Variants in DGKB observed in about 807,000 individuals in gnomAD.
The protein encoded by DGKB is diacylglycerol kinase beta, also known as 90 kDa diacylglycerol kinase.
In DGKB, 67 loss-of-function variants were observed where a neutral mutation model predicts 114.3. The observed-to-expected ratio is 0.59, with a 90% CI of 0.48 to 0.72. The LOEUF is 0.72. Among genes scored for constraint, DGKB ranks in the 30% least tolerant of loss-of-function variants. DGKB has a pLI of 0.00. For synonymous variants in DGKB, 398 were observed against 323.1 expected (o/e 1.23, Z -2.49); for missense variants, 907 against 975.2 (o/e 0.93, Z 0.93).
At chr7:14,726,475 G>C (rs1024074870) in intron 5 of DGKB, among the ~76,000 whole-genome samples, 8 of 152,138 alleles carry the variant, frequency 5.3e-5, no homozygotes, top group African/African-American at 1.4e-4. Flanking sequence ...TGTGAGGCTG[G>C]ACAGAGAAAA....
At chr7:14,834,609 G>C (rs1846890498) in intron 2 of DGKB, among the ~76,000 whole-genome samples, 1 of 152,090 alleles carries the variant, frequency 6.6e-6, no homozygotes, top group African/African-American at 2.4e-5. Context: ...ATCTGACTGG[G>C]ACTTCACTGT....
At chr7:14,827,801 C>T (rs1372651520) in intron 2 of DGKB, among the ~76,000 whole-genome samples, 1 of 152,058 alleles carries the variant, frequency 6.6e-6, no homozygotes, top group Non-Finnish European at 1.5e-5. Context: ...GCATAAGTAG[C>T]ATAGCTTCTG....
intron 20 of DGKB, among the ~76,000 whole-genome samples, chr7:14,508,955 T>C (rs13236153): frequency 0.43 from 64,687 of 152,044 alleles, 14,806 homozygotes; most frequent in East Asian, 0.73. Context: ...CAATGTCATA[T>C]AAATTTAGAA....
intron 4 of DGKB, among the ~76,000 whole-genome samples, chr7:14,736,841 T>G (rs1831794904): frequency 1.3e-5 from 2 of 152,186 alleles, no homozygotes; most frequent in Admixed American, 6.5e-5. Context: ...TGTGGTGGTG[T>G]TAAGGTTCTC....
At chr7:14,607,300 G>T in intron 17 of DGKB, 134 bp downstream of exon 17, 1 of 571,502 alleles carries the variant, frequency 1.7e-6, no homozygotes, top group Non-Finnish European at 3.2e-6. Context: ...TTTCTCTTAC[G>T]TAGTTGATAT....
intron 2 of DGKB, among the ~76,000 whole-genome samples, chr7:14,764,358 C>T (rs1001886115): frequency 1.3e-5 from 2 of 151,832 alleles, no homozygotes; most frequent in African/African-American, 4.8e-5. Context: ...AACATAGTAG[C>T]ATTCAGTCCA....
chr7:14,598,805 T>A (rs1370602132), intron 17 of DGKB, among the ~76,000 whole-genome samples: 1 of 152,146 alleles, frequency 6.6e-6, no homozygotes, highest in Non-Finnish European at 1.5e-5. Context: ...TCACTATACA[T>A]TCTTGGTAAA....
intron 5 of DGKB, among the ~76,000 whole-genome samples, chr7:14,723,598 C>CAT (rs1424009995): frequency 6.8e-6 from 1 of 147,724 alleles, no homozygotes; most frequent in Non-Finnish European, 1.5e-5. Flanking sequence ...TACACATACA[C>CAT]ACACATATAT....
At chr7:14,636,695 C>T (rs772460924) in intron 13 of DGKB, among the ~76,000 whole-genome samples, 21 of 151,700 alleles carry the variant, frequency 1.4e-4, no homozygotes, top group Admixed American at 3.3e-4. Context: ...ATCTACCTGG[C>T]GGGCAAAAAT....
chr7:14,374,609 T>A (rs1307871388), intron 21 of DGKB, among the ~76,000 whole-genome samples: 2 of 152,354 alleles, frequency 1.3e-5, no homozygotes, highest in South Asian at 2.1e-4. Context: ...AAATCCTACA[T>A]GATCTAAATT....
At chr7:14,416,886 G>A (rs1284944866) in intron 21 of DGKB, among the ~76,000 whole-genome samples, 16 of 151,976 alleles carry the variant, frequency 1.1e-4, no homozygotes, top group Non-Finnish European at 7.4e-5. Context: ...CAATCCATTC[G>A]AAAACTTTTT....
At chr7:14,553,233 C>T (rs1795366255) in intron 20 of DGKB, among the ~76,000 whole-genome samples, 1 of 152,164 alleles carries the variant, frequency 6.6e-6, no homozygotes, top group Admixed American at 6.5e-5. Flanking sequence ...TTGTCACTTT[C>T]CTTTATAGTA....
chr7:14,244,568 G>A (rs558416197), intron 23 of DGKB, among the ~76,000 whole-genome samples: 2 of 151,670 alleles, frequency 1.3e-5, no homozygotes, highest in South Asian at 4.2e-4. Flanking sequence ...TACTGGGGAG[G>A]CTGAGGCAGG....
intron 20 of DGKB, among the ~76,000 whole-genome samples, chr7:14,538,080 T>A (rs1792817867): frequency 1.2e-5 from 1 of 85,180 alleles, no homozygotes; most frequent in Non-Finnish European, 2.2e-5. Context: ...AGCAAATCTC[T>A]GTCTCAAAAA....
At chr7:14,809,155 A>C (rs1843111830) in intron 2 of DGKB, among the ~76,000 whole-genome samples, 1 of 152,134 alleles carries the variant, frequency 6.6e-6, no homozygotes, top group African/African-American at 2.4e-5. Flanking sequence ...TGATCAGAAT[A>C]TCTCAAAAGA....
At chr7:14,474,165 G>T (rs113481001) in intron 21 of DGKB, among the ~76,000 whole-genome samples, 125 of 152,286 alleles carry the variant, frequency 8.2e-4, no homozygotes, top group African/African-American at 2.9e-3. Flanking sequence ...GTTGTGGGAA[G>T]GACCTGGTGG....
intron 5 of DGKB, among the ~76,000 whole-genome samples, chr7:14,723,195 C>T (rs1414635580): frequency 1.3e-5 from 2 of 152,052 alleles, no homozygotes; most frequent in African/African-American, 4.8e-5. Flanking sequence ...CAAAAAGTTG[C>T]AAGCCTGACT....
At chr7:14,577,903 A>G (rs1159387077) in intron 19 of DGKB, among the ~76,000 whole-genome samples, 1 of 152,226 alleles carries the variant, frequency 6.6e-6, no homozygotes, top group Non-Finnish European at 1.5e-5. Context: ...TACAAATATT[A>G]AGCATAATAA....
intron 1 of DGKB, among the ~76,000 whole-genome samples, chr7:14,964,238 G>T (rs566524909): frequency 4.6e-5 from 7 of 152,258 alleles, no homozygotes; most frequent in South Asian, 4.1e-4. Context: ...CAGCCCAGTG[G>T]CTCACACCTG....
Sources: gnomAD v4.1 joint callset for allele counts (sites outside exome capture counted in the v4.1 genomes callset) on GRCh38, gnomAD v4.1.1 for gene constraint, MANE v1.5 for transcripts, NCBI Gene and HGNC (gene_info 2026-07-23, HGNC 2026-07-21) for gene names.